SHB: variants seen among roughly 807,000 people sequenced by gnomAD.
SHB encodes the protein SH2 domain containing adaptor protein B, also known as SH2 domain-containing adapter protein B.
In SHB, 20 loss-of-function variants were observed where a neutral mutation model predicts 52.3. That is an observed-to-expected ratio of 0.38 (90% CI 0.27 to 0.56). SHB has a LOEUF of 0.56. SHB is among the 20% of genes least tolerant of loss of function. The pLI is 0.71. For synonymous variants in SHB, 397 were observed against 316.5 expected, an observed-to-expected ratio of 1.25 and a Z score of -2.70; for missense variants, 825 against 723.3, an observed-to-expected ratio of 1.14 and a Z score of -1.61.
intron 2 of SHB, among the ~76,000 whole-genome samples, chr9:37,990,771 G>A (rs1035259648): frequency 7.9e-5 from 12 of 152,214 alleles, no homozygotes; most frequent in Admixed American, 3.3e-4. Flanking sequence ...TAACCTACAA[G>A]TCTATGAACA....
chr9:37,963,769 G>C (rs991880675), intron 3 of SHB, among the ~76,000 whole-genome samples: 2 of 152,158 alleles, frequency 1.3e-5, no homozygotes, highest in African/African-American at 4.8e-5. Flanking sequence ...ATGACCCCCG[G>C]AGTCTATGAA....
rs1361895483 is a variant in SHB at position 37,918,434 on chromosome 9, T to TGC, written c.*1386_*1387insGC. Among the ~76,000 whole-genome samples the TGC allele has an allele frequency of 5.3e-4, 52 of 98,346 alleles. No individual in the cohort carries two copies. Among genetic ancestry groups the TGC allele is most frequent in the African/African-American group, 1.9e-3 (46 of 23,612 alleles). The allele number at this position is 98,346 out of a possible 152,430, so 64.5% of individuals were successfully genotyped here. On this transcript the variant is annotated 3_prime_UTR_variant, in exon 6 of 6. Coordinates refer to ENST00000377707, the MANE Select transcript of SHB (RefSeq NM_003028.3). ...GACCACTGAGGGCTGTGTGTGTGTG[T>TGC]GTGTGTGTGTGTAGGTGTTCTTGTG...
At chr9:37,982,979 C>CCCCCA (rs1554702659) in intron 2 of SHB, among the ~76,000 whole-genome samples, 2 of 151,516 alleles carry the variant, frequency 1.3e-5, no homozygotes, top group African/African-American at 2.4e-5. Flanking sequence ...TGGTGCCCCC[C>CCCCCA]CCTCCATCTT....
In SHB at chr9:37,916,708, C is replaced by T. The variant is rs1398755624; in HGVS notation, c.*3113G>A. Among the ~76,000 whole-genome samples, 2 of 152,210 alleles carry T rather than the reference C, an allele frequency of 1.3e-5. No individual in the cohort carries two copies. Among genetic ancestry groups the T allele is most frequent in the Admixed American group, 1.3e-4 (2 of 15,286 alleles). ...GCCTCTCTCCAGGAGAGGGTGTCAG[C>T]CTGGGCCATTCTTCTGACTTCAGGA... is the stretch of plus-strand genomic sequence containing the variant. On this transcript the variant is annotated 3_prime_UTR_variant, in exon 6 of 6. Transcript: ENST00000377707.
intron 3 of SHB, among the ~76,000 whole-genome samples, chr9:37,963,332 G>GAGGCAAT (rs1184793105): frequency 6.6e-6 from 1 of 152,192 alleles, no homozygotes; most frequent in Non-Finnish European, 1.5e-5. Context: ...CCTTTAAACA[G>GAGGCAAT]AGGCAATAAA....
chr9:37,960,132 G>A (rs1832678119), intron 3 of SHB, among the ~76,000 whole-genome samples: 1 of 152,190 alleles, frequency 6.6e-6, no homozygotes. Context: ...AACAGGTGGT[G>A]ATGAGTGACA....
intron 3 of SHB, among the ~76,000 whole-genome samples, chr9:37,964,848 C>T (rs975016945): frequency 1.1e-4 from 16 of 152,198 alleles, no homozygotes; most frequent in African/African-American, 3.9e-4. Context: ...GGTCATCCCG[C>T]CAACAAGTGA....
chr9:38,009,939 A>G (rs750991736), intron 2 of SHB, among the ~76,000 whole-genome samples: 2 of 152,256 alleles, frequency 1.3e-5, no homozygotes, highest in Non-Finnish European at 2.9e-5. Context: ...AATGCTTTCA[A>G]TTAATGCTTA....
At chr9:38,037,351 C>T (rs1821501775) in intron 1 of SHB, among the ~76,000 whole-genome samples, 1 of 152,170 alleles carries the variant, frequency 6.6e-6, no homozygotes, top group African/African-American at 2.4e-5. Flanking sequence ...CCGACACCTG[C>T]CCCCACCACT....
chr9:37,943,670 A>AGGTGCCACTC (rs1832459438), intron 5 of SHB, among the ~76,000 whole-genome samples: 1 of 152,168 alleles, frequency 6.6e-6, no homozygotes. Context: ...GAGGCCTCAG[A>AGGTGCCACTC]GGTGCCACTC....
chr9:38,009,188 G>A (rs1338425242), intron 2 of SHB, among the ~76,000 whole-genome samples: 1 of 152,214 alleles, frequency 6.6e-6, no homozygotes, highest in Non-Finnish European at 1.5e-5. Context: ...AGGAGCCCTA[G>A]GAAGGGCCTC....
At chr9:37,968,305 A>C (rs1420801268) in intron 3 of SHB, among the ~76,000 whole-genome samples, 1 of 152,176 alleles carries the variant, frequency 6.6e-6, no homozygotes, top group Non-Finnish European at 1.5e-5. Flanking sequence ...AAGTAAACTA[A>C]GGCTCAGGGA....
chr9:38,003,463 G>A (rs748621703), intron 2 of SHB, among the ~76,000 whole-genome samples: 4 of 151,964 alleles, frequency 2.6e-5, no homozygotes, highest in Non-Finnish European at 5.9e-5. Context: ...CCCGTCCCAC[G>A]AGGGCAGGGT....
chr9:37,951,304 A>G (rs1055060761), intron 4 of SHB, among the ~76,000 whole-genome samples: 2 of 152,240 alleles, frequency 1.3e-5, no homozygotes, highest in Admixed American at 6.5e-5. Flanking sequence ...GGTACAGAGA[A>G]ATATGTAAAG....
chr9:37,931,310 T>C (rs369681861), intron 5 of SHB, among the ~76,000 whole-genome samples: 1 of 152,008 alleles, frequency 6.6e-6, no homozygotes, highest in East Asian at 1.9e-4. Context: ...AGCCTACAGA[T>C]TGGGAAAAAA....
chr9:37,933,080 G>A (rs752409808), intron 5 of SHB, among the ~76,000 whole-genome samples: 9 of 152,184 alleles, frequency 5.9e-5, no homozygotes, highest in Non-Finnish European at 1.0e-4. Context: ...CATCTAACCT[G>A]AGGGTGGTTT....
rs112406173 is a variant in SHB, at chr9:37,928,295, T to C, written c.1347-8291A>G. ...ACACTGGCCACAGTGGATCCTGGGC[T>C]TGGGGACAGCAAAATGACAAAAGCA... On this transcript the variant is annotated intron_variant, in intron 5 of 5. Coordinates refer to ENST00000377707, the MANE Select transcript of SHB (RefSeq NM_003028.3). 8.4e-3 allele frequency among the ~76,000 whole-genome samples: 1,278 copies of C among 152,324 alleles called. 18 individuals carry two copies. Among genetic ancestry groups the C allele is most frequent in the African/African-American group, 0.029 (1,213 of 41,578 alleles).
At chr9:38,036,769 G>C (rs754331884) in intron 1 of SHB, among the ~76,000 whole-genome samples, 2 of 152,226 alleles carry the variant, frequency 1.3e-5, no homozygotes, top group African/African-American at 2.4e-5. Flanking sequence ...GAAATACTGA[G>C]AGCAGCTACC....
At chr9:38,033,276 C>T (rs751939751) in intron 1 of SHB, among the ~76,000 whole-genome samples, 1 of 152,122 alleles carries the variant, frequency 6.6e-6, no homozygotes, top group Non-Finnish European at 1.5e-5. Context: ...AAGTGAGCAC[C>T]CCATCACCTC....
Sources: gnomAD v4.1 joint callset for allele counts (sites outside exome capture counted in the v4.1 genomes callset) on GRCh38, gnomAD v4.1.1 for gene constraint, MANE v1.5 for transcripts, NCBI Gene and HGNC (gene_info 2026-07-23, HGNC 2026-07-21) for gene names.